Variants in PPP2R1B observed in about 807,000 individuals in gnomAD.
The protein encoded by PPP2R1B is protein phosphatase 2 scaffold subunit Abeta.
Under a neutral mutation model 72.7 loss-of-function variants are expected in PPP2R1B, and 58 were observed. That is an observed-to-expected ratio of 0.80 (90% confidence interval 0.65 to 0.99). The LOEUF (loss-of-function observed/expected upper bound fraction) is 0.99. Among genes scored for constraint, PPP2R1B ranks in the 50% least tolerant of loss-of-function variants. The pLI, the probability that PPP2R1B is intolerant of heterozygous loss-of-function variation, is 0.00. For synonymous variants in PPP2R1B, 256 were observed against 264.6 expected (o/e 0.97, Z 0.32); for missense variants, 695 against 733.6 (o/e 0.95, Z 0.61).
the PPP2R1B span, chr11:111,701,077 C>T: frequency 6.4e-7 from 1 of 1,559,054 alleles, no homozygotes. This position sits in a 1 kb window ranked among gnomAD's most constrained non-coding sequence, Gnocchi z 4.2. Flanking sequence ...TCTGGCCCAT[C>T]TTAGAAGCTC....
chr11:111,747,105 C>A (rs1415598040), intron 11 of PPP2R1B, among the ~76,000 whole-genome samples: 1 of 152,192 alleles, frequency 6.6e-6, no homozygotes, highest in African/African-American at 2.4e-5. Context: ...TACTGTGGAA[C>A]TGACTCAGGT....
Position 111,747,964 on chromosome 11 carries a change from G to A in PPP2R1B, c.1389C>T (p.Leu463=), listed in dbSNP as rs114638268. 1.4e-4 allele frequency: 220 copies of A among 1,612,440 alleles called. No homozygotes were observed. In the East Asian group the frequency reaches 2.0e-3, roughly 15 times the overall value. The change falls in exon 11 of 15, where the codon CTC becomes CTT. Residue 463 remains leucine (L), a synonymous_variant. Coordinates refer to ENST00000527614, the MANE Select transcript of PPP2R1B (RefSeq NM_002716.5). The stretch of plus-strand genomic sequence containing the variant: ...TTTTTATCTACTCACCATGGTCCAC[G>A]AGCCAAGCCATACATAAAGAATTCA... ...EKLNSLCMAW[L]VDHVYAIREA...
At chr11:111,737,502 C>T, downstream of PPP2R1B, 1 of 1,614,220 alleles carries the variant, frequency 6.2e-7, no homozygotes, top group Non-Finnish European at 8.5e-7. Context: ...TCTTGTCAGC[C>T]CGAGGGACAC....
intron 15 of PPP2R1B, among the ~76,000 whole-genome samples, chr11:111,731,999 CTT>C (rs1348741141): frequency 6.6e-6 from 1 of 152,230 alleles, no homozygotes. Context: ...CCAGGACACT[CTT>C]CAGTTCTGCA....
intron 10 of PPP2R1B, among the ~76,000 whole-genome samples, chr11:111,749,194 C>A (rs1229770662): frequency 2.6e-5 from 4 of 152,134 alleles, no homozygotes; most frequent in African/African-American, 9.7e-5. Context: ...TTGGCATACA[C>A]TTAGATTACG....
intron 15 of PPP2R1B, chr11:111,728,028 T>G (rs1172645001): frequency 6.6e-6 from 1 of 152,222 alleles, no homozygotes; most frequent in Non-Finnish European, 1.5e-5. Context: ...CCATTCGACC[T>G]CCTATAGAGA....
At chr11:111,748,370 A>G (rs1443448750) in intron 10 of PPP2R1B, among the ~76,000 whole-genome samples, 1 of 152,274 alleles carries the variant, frequency 6.6e-6, no homozygotes, top group African/African-American at 2.4e-5. Flanking sequence ...AACACCTGTC[A>G]GTAATATTAC....
chr11:111,724,236 G>A (rs1943898721), downstream of PPP2R1B: 2 of 1,435,124 alleles, frequency 1.4e-6, no homozygotes, highest in Non-Finnish European at 1.8e-6. Flanking sequence ...CTCCCTAACG[G>A]GGAGAAATCG....
At chr11:111,715,418 T>A in the PPP2R1B span, among the ~76,000 whole-genome samples, 146,892 of 152,314 alleles carry the variant, frequency 0.96, 71,073 homozygotes, top group East Asian at 1. Context: ...GATGCTTCAT[T>A]GCTGCATGTA....
At chr11:111,723,407 C>A (rs1943864377), downstream of PPP2R1B, 1 of 1,378,390 alleles carries the variant, frequency 7.3e-7, no homozygotes, top group African/African-American at 1.4e-5. Context: ...AAGTAGAAGA[C>A]TGAAGCTAGT....
At chr11:111,743,654 G>A (rs1333152553) in intron 11 of PPP2R1B, 124 bp from the exon 12 acceptor site, 2 of 1,158,194 alleles carry the variant, frequency 1.7e-6, no homozygotes. Context: ...GACTCCACAT[G>A]TAATCATGCT....
Position 111,765,284 on chromosome 11 carries a change from A to G in PPP2R1B, c.205+10T>C, listed in dbSNP as rs1468907050. The G allele has an allele frequency of 1.3e-6, 2 of 1,599,694 alleles. No individual in the cohort carries two copies. Among genetic ancestry groups the G allele is most frequent in the Non-Finnish European group, 1.7e-6 (2 of 1,168,332 alleles). Reference sequence around the variant, plus strand: ...TGTCCCTACCTTTCTTTAAACAAAGATTCACATACCTGTAAGAAATGGCAA... The same window carrying G: ...TGTCCCTACCTTTCTTTAAACAAAGGTTCACATACCTGTAAGAAATGGCAA... On this transcript the variant is annotated intron_variant, in intron 2 of 14. Coordinates refer to ENST00000527614, the MANE Select transcript of PPP2R1B (RefSeq NM_002716.5).
At chr11:111,709,824 G>A in the PPP2R1B span, among the ~76,000 whole-genome samples, 5 of 152,320 alleles carry the variant, frequency 3.3e-5, no homozygotes, top group South Asian at 6.2e-4. Flanking sequence ...CTCTAACCGA[G>A]TTCACAGTCA....
downstream of PPP2R1B, chr11:111,723,385 TGA>T (rs1353729817): frequency 4.2e-6 from 5 of 1,204,612 alleles, no homozygotes; most frequent in Admixed American, 2.5e-5. Flanking sequence ...TTTGCTGACA[TGA>T]GAGAGACTTA....
intron 5 of PPP2R1B, among the ~76,000 whole-genome samples, chr11:111,758,154 T>C (rs538546747): frequency 2.0e-5 from 3 of 152,366 alleles, no homozygotes; most frequent in South Asian, 4.1e-4. Context: ...TTGGAAAATT[T>C]TGGTCGAATA....
the PPP2R1B span, chr11:111,720,752 C>G: frequency 6.3e-7 from 1 of 1,591,930 alleles, no homozygotes; most frequent in Admixed American, 1.8e-5. Flanking sequence ...CAGATACCTC[C>G]CTCACCCAGG....
chr11:111,689,301 A>G, the PPP2R1B span, among the ~76,000 whole-genome samples: 422 of 152,274 alleles, frequency 2.8e-3, 3 homozygotes, highest in Non-Finnish European at 5.0e-3. Context: ...GGGCATGGGT[A>G]GGGGTAAAGT....
rs562357045 is a variant in PPP2R1B, at chr11:111,745,935, T to C, written c.1399+2019A>G. 3.3e-5 allele frequency among the ~76,000 whole-genome samples: 5 copies of C among 152,330 alleles called. No individual in the cohort carries two copies. The East Asian group carries it at 5.8e-4, about 18-fold the overall frequency. On this transcript the variant is annotated intron_variant, in intron 11 of 14. Transcript: ENST00000527614. Reference sequence around the variant, plus strand: ...GCTCCTGTGATTAAGTACAAAACAATTTCAGAGCTGTTATTTCATTGGTTC... The same window carrying C: ...GCTCCTGTGATTAAGTACAAAACAACTTCAGAGCTGTTATTTCATTGGTTC...
the PPP2R1B span, among the ~76,000 whole-genome samples, chr11:111,704,169 C>G: frequency 2.6e-5 from 4 of 152,214 alleles, no homozygotes; most frequent in Non-Finnish European, 4.4e-5. Flanking sequence ...CTGCTTTGCT[C>G]ACTTTGCGCC....
Sources: gnomAD v4.1 joint callset for allele counts (sites outside exome capture counted in the v4.1 genomes callset) on GRCh38, gnomAD v4.1.1 for gene constraint, Gnocchi (gnomAD v3.1) non-coding constraint, MANE v1.5 for transcripts, NCBI Gene and HGNC (gene_info 2026-07-23, HGNC 2026-07-21) for gene names.